Variants in CDK14 observed in about 807,000 individuals in gnomAD.
CDK14 encodes the protein cyclin-dependent kinase 14.
A neutral mutation model predicts 60.7 loss-of-function variants in CDK14; 34 were observed. That is an observed-to-expected ratio of 0.56 (90% CI 0.43 to 0.75). CDK14 has a LOEUF of 0.75. Ranked by LOEUF, CDK14 falls within the 30% of genes least tolerant of loss-of-function variation. The pLI, the probability that CDK14 is intolerant of heterozygous loss-of-function variation, is 0.00. For missense variants in CDK14, 482 were observed against 564.1 expected (o/e 0.85, Z 1.47); for synonymous variants, 197 against 203.7 (o/e 0.97, Z 0.28).
intron 4 of CDK14, among the ~76,000 whole-genome samples, chr7:90,777,201 C>G (rs1193319623): frequency 3.9e-5 from 6 of 152,076 alleles, no homozygotes; most frequent in Admixed American, 3.9e-4. Context: ...TGTGCTGTTG[C>G]TGGTGGTGGA....
intron 7 of CDK14, among the ~76,000 whole-genome samples, chr7:90,910,077 C>G (rs778065406): frequency 7.2e-5 from 11 of 152,158 alleles, no homozygotes; most frequent in Non-Finnish European, 1.5e-4. Context: ...CTTATACCAT[C>G]CCAGTAGCAC....
intron 5 of CDK14, among the ~76,000 whole-genome samples, chr7:90,839,553 A>G (rs1024126153): frequency 5.3e-5 from 8 of 152,194 alleles, no homozygotes; most frequent in African/African-American, 1.9e-4. Context: ...ACTTGCTGCA[A>G]TGTGTCTCTC....
intron 9 of CDK14, among the ~76,000 whole-genome samples, chr7:90,958,529 A>G (rs1480152478): frequency 6.6e-6 from 1 of 151,736 alleles, no homozygotes; most frequent in African/African-American, 2.4e-5. Context: ...TTTTGGGGGG[A>G]TGGTTGTTTA....
chr7:90,953,292 C>A (rs1419690882), intron 8 of CDK14, among the ~76,000 whole-genome samples: 2 of 152,144 alleles, frequency 1.3e-5, no homozygotes, highest in Non-Finnish European at 2.9e-5. Flanking sequence ...GACACATTTA[C>A]ATGCAAACCA....
intron 14 of CDK14, among the ~76,000 whole-genome samples, chr7:91,176,774 C>T (rs1206619704): frequency 6.6e-6 from 1 of 151,078 alleles, no homozygotes; most frequent in Non-Finnish European, 1.5e-5. Flanking sequence ...AGTTGAATCT[C>T]TGAATAGACC....
chr7:91,095,609 G>A (rs888858435), intron 12 of CDK14, among the ~76,000 whole-genome samples: 24 of 152,038 alleles, frequency 1.6e-4, no homozygotes, highest in African/African-American at 5.6e-4. Flanking sequence ...AATGGGGAAA[G>A]GTTTAACAAA....
At chr7:90,721,573 G>A (rs542815107) in intron 2 of CDK14, among the ~76,000 whole-genome samples, 1 of 152,266 alleles carries the variant, frequency 6.6e-6, no homozygotes, top group African/African-American at 2.4e-5. Flanking sequence ...GTAACAGCTG[G>A]ATGTTTCCTG....
intron 4 of CDK14, among the ~76,000 whole-genome samples, chr7:90,777,145 C>T: frequency 6.6e-6 from 1 of 152,072 alleles, no homozygotes; most frequent in East Asian, 1.9e-4. Context: ...GCTAAATGTT[C>T]CCAGTTATGT....
chr7:91,033,337 C>T (rs1796816562), intron 10 of CDK14, among the ~76,000 whole-genome samples: 1 of 152,172 alleles, frequency 6.6e-6, no homozygotes, highest in Non-Finnish European at 1.5e-5. Context: ...TGCCCTCAAC[C>T]CTTCCTTTAC....
chr7:90,674,331 C>T (rs1801156240), intron 2 of CDK14, among the ~76,000 whole-genome samples: 1 of 152,068 alleles, frequency 6.6e-6, no homozygotes, highest in Non-Finnish European at 1.5e-5. Context: ...GGCTGGGGGC[C>T]AGTTGCTGGG....
intron 2 of CDK14, chr7:90,710,649 G>A (rs1242880276): frequency 3.1e-6 from 2 of 649,626 alleles, no homozygotes; most frequent in Admixed American, 6.3e-5. Flanking sequence ...AGTTCTGCGT[G>A]AAGTGCCAGC....
intron 2 of CDK14, among the ~76,000 whole-genome samples, chr7:90,640,412 A>T (rs936915507): frequency 6.6e-6 from 1 of 152,160 alleles, no homozygotes; most frequent in Non-Finnish European, 1.5e-5. Context: ...ATTTTAAAGT[A>T]TGTATGAAAT....
intron 10 of CDK14, among the ~76,000 whole-genome samples, chr7:91,044,749 A>T (rs1797185733): frequency 6.6e-6 from 1 of 152,076 alleles, no homozygotes; most frequent in Non-Finnish European, 1.5e-5. Flanking sequence ...TGCCCTTTCT[A>T]ACCTGTTTGT....
chr7:90,736,154 A>C (rs572781325), intron 3 of CDK14, among the ~76,000 whole-genome samples: 1 of 151,850 alleles, frequency 6.6e-6, no homozygotes, highest in African/African-American at 2.4e-5. Context: ...GGCTGCACCA[A>C]CTGTCCAACC....
intron 9 of CDK14, among the ~76,000 whole-genome samples, chr7:90,978,820 G>A (rs897569443): frequency 1.3e-5 from 2 of 152,046 alleles, no homozygotes; most frequent in African/African-American, 4.8e-5. Flanking sequence ...TTTATTACAG[G>A]AAAACTGCTA....
chr7:91,176,794 A>G (rs753790273), intron 14 of CDK14, among the ~76,000 whole-genome samples: 1,682 of 151,616 alleles, frequency 0.011, 13 homozygotes, highest in Admixed American at 0.019. Context: ...CAATAACAGG[A>G]GCTGAAATTG....
chr7:90,653,574 C>T (rs1800691968), intron 2 of CDK14, among the ~76,000 whole-genome samples: 1 of 152,006 alleles, frequency 6.6e-6, no homozygotes, highest in South Asian at 2.1e-4. Flanking sequence ...AAAGTTGTCC[C>T]TTGATCAAAC....
At chr7:90,683,988 G>A (rs1003412482) in intron 2 of CDK14, among the ~76,000 whole-genome samples, 1 of 151,854 alleles carries the variant, frequency 6.6e-6, no homozygotes, top group African/African-American at 2.4e-5. Context: ...ACATGCATGT[G>A]CACATACATA....
At chr7:90,710,031 C>A in intron 2 of CDK14, 1 of 884,706 alleles carries the variant, frequency 1.1e-6, no homozygotes, top group Non-Finnish European at 1.4e-6. Context: ...AATCCTGACT[C>A]ACTCATTTAC....
Sources: allele counts gnomAD v4.1 joint callset (sites outside exome capture counted in the v4.1 genomes callset), GRCh38; gene constraint gnomAD v4.1.1; transcripts MANE v1.5; gene names NCBI Gene and HGNC (gene_info 2026-07-23, HGNC 2026-07-21).